Variants in TPPP2 observed in about 807,000 individuals in gnomAD.
The protein encoded by TPPP2 is tubulin polymerization promoting protein family member 2, also known as tubulin polymerization-promoting protein family member 2.
Under a neutral mutation model 13.0 loss-of-function variants are expected in TPPP2, and 8 were observed. That is an observed-to-expected ratio of 0.62 (90% CI 0.36 to 1.11). TPPP2 has a LOEUF of 1.11. TPPP2 is among the 50% of genes most tolerant of loss of function. TPPP2 has a pLI of 0.02. For synonymous variants in TPPP2, 81 were observed against 81.8 expected, an observed-to-expected ratio of 0.99 and a Z score of 0.05; for missense variants, 213 against 216.9, an observed-to-expected ratio of 0.98 and a Z score of 0.11.
intron 3 of TPPP2, 137 bp from the exon 4 acceptor site, chr14:21,031,755 C>T (rs1884182500): frequency 2.1e-6 from 2 of 950,664 alleles, no homozygotes; most frequent in African/African-American, 1.7e-5. Context: ...TATCTGGGCC[C>T]TAAGAAAGCA....
chr14:21,028,622 T>C (rs1432468741), upstream of TPPP2: 1 of 152,144 alleles, frequency 6.6e-6, no homozygotes, highest in Non-Finnish European at 1.5e-5. Flanking sequence ...AATGAGAAGC[T>C]ATAGTATATC....
chr14:21,025,246 G>C, upstream of TPPP2: 1 of 850,808 alleles, frequency 1.2e-6, no homozygotes, highest in Non-Finnish European at 1.4e-6. This position sits in a 1 kb window ranked among gnomAD's most constrained non-coding sequence, Gnocchi z 5.1. Flanking sequence ...GGGGCGAGGG[G>C]CGGGCGGCTG....
At chr14:21,030,489 A>G (rs1301154231) in intron 1 of TPPP2, 24 bp from the exon 2 acceptor site, 8 of 1,327,620 alleles carry the variant, frequency 6.0e-6, no homozygotes, top group Non-Finnish European at 8.3e-6. Flanking sequence ...TTTTACCATA[A>G]CACTCATCCT....
chr14:21,033,154 G>A, downstream of TPPP2: 1 of 375,404 alleles, frequency 2.7e-6, no homozygotes, highest in Non-Finnish European at 5.2e-6. Flanking sequence ...GAAAAAGGAA[G>A]GCAGGGTGAC....
At chr14:21,024,709 G>C (rs1448812075) in intron 1 of TPPP2, 4 of 985,352 alleles carry the variant, frequency 4.1e-6, no homozygotes. Flanking sequence ...GAAGGGATGG[G>C]TAGGACAGAG....
downstream of TPPP2, chr14:21,034,098 T>C: frequency 1.2e-6 from 2 of 1,614,216 alleles, no homozygotes; most frequent in Non-Finnish European, 1.7e-6. Flanking sequence ...ATCTGAATTT[T>C]GCATCTTGCC....
intron 3 of TPPP2, 48 bp from the exon 4 acceptor site, chr14:21,031,844 G>A (rs773558621): frequency 3.4e-5 from 54 of 1,585,982 alleles, no homozygotes; most frequent in Non-Finnish European, 4.6e-5. Flanking sequence ...GAAGGGATAT[G>A]ACAGCGTAAG....
chr14:21,025,133 G>C lies in TPPP2; in HGVS notation n.236+789G>C, dbSNP rs1883220567. ...CCCCGGCCCGCCCCAGCCCGCCCAC[G>C]GGCGCTAGGCTCCCCGCAGACCCGC... On this transcript the variant is annotated intron_variant and non_coding_transcript_variant, in intron 1 of 1. Transcript: ENST00000533755. The surrounding 1 kb of genome is among the most constrained non-coding windows in gnomAD (Gnocchi z 5.1). The C allele has an allele frequency of 4.1e-6, 4 of 974,532 alleles. No individual in the cohort carries two copies. The highest frequency in any genetic ancestry group is 3.6e-6 in the Non-Finnish European group (3 of 822,546). The allele number at this position is 974,532 out of a possible 1,614,324, so 60.4% of individuals were successfully genotyped here. A position where few individuals can be genotyped will look rare whatever the true frequency, so the allele number is the denominator to read the frequency against.
In TPPP2 at chr14:21,030,549, C is replaced by T. The variant is rs769369640; in HGVS notation, c.-33C>T. 1 of 1,604,998 alleles carries T rather than the reference C, an allele frequency of 6.2e-7. No homozygotes were observed. On this transcript the variant is annotated 5_prime_UTR_variant, in exon 2 of 4. Coordinates refer to ENST00000321760, the MANE Select transcript of TPPP2 (RefSeq NM_173846.5). ...CCTTCTCCTTCACCCCCAAGTGTCT[C>T]CCACGACTGCCCTCCCCGACCTCTA...
chr14:21,030,703 A>C lies in TPPP2; in HGVS notation c.122A>C (p.Asp41Ala), dbSNP rs780525779. 4 of 1,614,204 alleles carry C rather than the reference A, an allele frequency of 2.5e-6. No homozygotes were observed. The highest frequency in any genetic ancestry group is 2.5e-6 in the Non-Finnish European group (3 of 1,180,040). Reference sequence around the variant, plus strand: ...CTGTGCAAAGACTGTGGCATCATGGATGGCAAGACAGTCACCTCCACGGAC... The same window carrying C: ...CTGTGCAAAGACTGTGGCATCATGGCTGGCAAGACAGTCACCTCCACGGAC... The part of the protein sequence containing the change: ...SKLCKDCGIM[D>A]GKTVTSTDVD... Residue 41 changes from aspartate to alanine, a missense_variant, in exon 2 of 4, where the codon GAT becomes GCT. Coordinates refer to ENST00000321760, the MANE Select transcript of TPPP2 (RefSeq NM_173846.5).
At chr14:21,025,762 G>GGGC, upstream of TPPP2, 1 of 263,154 alleles carries the variant, frequency 3.8e-6, no homozygotes, top group Non-Finnish European at 5.6e-6. The surrounding 1 kb of genome is among the most constrained non-coding windows in gnomAD (Gnocchi z 5.1). Flanking sequence ...TGGGGGCGGG[G>GGGC]AATGCGGGGG....
upstream of TPPP2, chr14:21,025,438 T>G: frequency 4.1e-6 from 4 of 985,438 alleles, no homozygotes; most frequent in South Asian, 4.7e-5. The surrounding 1 kb of genome is among the most constrained non-coding windows in gnomAD (Gnocchi z 5.1). Context: ...GCCCCCAGAC[T>G]CAGTGGTGGG....
downstream of TPPP2, chr14:21,034,355 C>A: frequency 3.5e-6 from 4 of 1,142,268 alleles, no homozygotes; most frequent in Non-Finnish European, 5.1e-6. Flanking sequence ...TCTGCCACAT[C>A]CCAGAGCCTC....
chr14:21,032,483 A>G lies in TPPP2; in HGVS notation c.*406A>G, dbSNP rs1884288448. 2.7e-6 allele frequency: 1 copy of G among 375,470 alleles called. No individual in the cohort carries two copies. Among genetic ancestry groups the G allele is most frequent in the South Asian group, 2.0e-5 (1 of 50,266 alleles). 23.3% of individuals were successfully genotyped at this position (375,470 alleles called of 1,614,324 possible). On this transcript the variant is annotated 3_prime_UTR_variant, in exon 4 of 4. Coordinates refer to ENST00000321760, the MANE Select transcript of TPPP2 (RefSeq NM_173846.5). Reference sequence around the variant, plus strand: ...ATTCCTCACGTGATGGACTATGACTATATCACATATTAGATCCTTCCCTGT... The same window carrying G: ...ATTCCTCACGTGATGGACTATGACTGTATCACATATTAGATCCTTCCCTGT...
intron 2 of TPPP2, 59 bp downstream of exon 2, chr14:21,030,813 G>C: frequency 1.3e-6 from 2 of 1,587,454 alleles, no homozygotes; most frequent in Non-Finnish European, 1.7e-6. Flanking sequence ...AGTTGGCCAC[G>C]GAAGGGTTCA....
chr14:21,035,066 A>G (rs10146059), downstream of TPPP2, among the ~76,000 whole-genome samples: 40,022 of 152,170 alleles, frequency 0.26, 7,425 homozygotes, highest in African/African-American at 0.53. Context: ...AGAACAGAGC[A>G]TTCGCCACTT....
At chr14:21,028,948 G>C (rs569945020), upstream of TPPP2, 1 of 152,218 alleles carries the variant, frequency 6.6e-6, no homozygotes, top group African/African-American at 2.4e-5. Flanking sequence ...TAGGATCCGT[G>C]AGGTTCATCT....
chr14:21,030,490 C>T lies in TPPP2; in HGVS notation c.-69-23C>T, dbSNP rs150964357. ...CTGTTGCTGACTGATTTTACCATAA[C>T]ACTCATCCTCATTACTCCACAGTCC... On this transcript the variant is annotated intron_variant, in intron 1 of 3. Transcript: ENST00000321760. The T allele has an allele frequency of 7.7e-5, 103 of 1,337,206 alleles. 1 individual carries two copies. The African/African-American group carries it at 1.3e-3, about 17-fold the overall frequency. The allele number at this position is 1,337,206 out of a possible 1,614,324, so 82.8% of individuals were successfully genotyped here.
At position 21,025,154 on chromosome 14, in the gene TPPP2, C is replaced by T. The variant is rs1883241615; in HGVS notation, n.236+810C>T. Reference sequence around the variant, plus strand: ...CCACGGGCGCTAGGCTCCCCGCAGACCCGCCCCAGACCCCCAGTAAACACG... The same window carrying T: ...CCACGGGCGCTAGGCTCCCCGCAGATCCGCCCCAGACCCCCAGTAAACACG... On this transcript the variant is annotated intron_variant and non_coding_transcript_variant, in intron 1 of 1. Transcript: ENST00000533755. This position sits in a 1 kb window ranked among gnomAD's most constrained non-coding sequence, Gnocchi z 5.1. The T allele has an allele frequency of 1.0e-6, 1 of 960,124 alleles. No individual in the cohort carries two copies. The allele number at this position is 960,124 out of a possible 1,614,324, so 59.5% of individuals were successfully genotyped here.
Sources: gnomAD v4.1 joint callset for allele counts (sites outside exome capture counted in the v4.1 genomes callset) on GRCh38, gnomAD v4.1.1 for gene constraint, Gnocchi (gnomAD v3.1) non-coding constraint, MANE v1.5 for transcripts, NCBI Gene and HGNC (gene_info 2026-07-23, HGNC 2026-07-21) for gene names.